Variants in SLC68A1 observed in about 807,000 individuals in gnomAD.
SLC68A1 encodes major facilitator superfamily domain containing 13A.
At chr10:102,462,961 T>A in the SLC68A1 span, among the ~76,000 whole-genome samples, 1 of 152,188 alleles carries the variant, frequency 6.6e-6, no homozygotes, top group Non-Finnish European at 1.5e-5. Context: ...ACTCCCACAG[T>A]TAAGCAGAAC....
At chr10:102,472,658 A>G in the SLC68A1 span, among the ~76,000 whole-genome samples, 1 of 152,156 alleles carries the variant, frequency 6.6e-6, no homozygotes, top group Non-Finnish European at 1.5e-5. Context: ...TAGCAAAGTT[A>G]GATAGCACCA....
the SLC68A1 span, chr10:102,475,734 T>G: frequency 6.2e-7 from 1 of 1,601,428 alleles, no homozygotes; most frequent in African/African-American, 1.3e-5. Context: ...CATGACCTCT[T>G]CCAGCAGTCC....
At chr10:102,470,095 C>A in the SLC68A1 span, 1 of 1,609,988 alleles carries the variant, frequency 6.2e-7, no homozygotes, top group Non-Finnish European at 8.5e-7. Context: ...TTGGGAACAG[C>A]TCGTAATTGG....
At chr10:102,473,989 C>T in the SLC68A1 span, 1 of 1,607,452 alleles carries the variant, frequency 6.2e-7, no homozygotes. Flanking sequence ...CTGCTGGGCA[C>T]CTGGCTGCTC....
the SLC68A1 span, chr10:102,471,440 TCAC>T: frequency 6.3e-7 from 1 of 1,595,770 alleles, no homozygotes; most frequent in South Asian, 1.1e-5. Context: ...GGGCTGGACT[TCAC>T]TCAAGGGGAC....
At chr10:102,466,414 C>T in the SLC68A1 span, among the ~76,000 whole-genome samples, 48 of 143,010 alleles carry the variant, frequency 3.4e-4, no homozygotes, top group Non-Finnish European at 3.9e-4. Context: ...ACCTGGGAAG[C>T]GGAGGTTGCA....
chr10:102,471,299 G>A, the SLC68A1 span: 1 of 1,613,964 alleles, frequency 6.2e-7, no homozygotes, highest in African/African-American at 1.3e-5. Context: ...CTGCTTGTAG[G>A]CAGTGAGGAG....
At chr10:102,467,920 A>C in the SLC68A1 span, among the ~76,000 whole-genome samples, 8 of 152,118 alleles carry the variant, frequency 5.3e-5, no homozygotes, top group Non-Finnish European at 1.0e-4. Context: ...GGCCTCCCAA[A>C]GTGCCTTATT....
the SLC68A1 span, chr10:102,476,058 T>C: frequency 6.9e-6 from 9 of 1,312,840 alleles, no homozygotes; most frequent in African/African-American, 1.5e-5. Flanking sequence ...TTTGGTTTTT[T>C]TTTTAAGGAT....
At chr10:102,463,922 T>C in the SLC68A1 span, among the ~76,000 whole-genome samples, 2 of 152,096 alleles carry the variant, frequency 1.3e-5, no homozygotes, top group South Asian at 4.1e-4. Flanking sequence ...GAAAGGAATT[T>C]GATGGATGGC....
the SLC68A1 span, chr10:102,473,500 T>G: frequency 2.4e-5 from 35 of 1,477,142 alleles, no homozygotes; most frequent in Non-Finnish European, 3.1e-5. Context: ...CAGTCGGCTG[T>G]GAAGCTGATG....
the SLC68A1 span, chr10:102,462,036 G>T: frequency 6.6e-6 from 1 of 152,422 alleles, no homozygotes; most frequent in Middle Eastern, 3.4e-3. Flanking sequence ...TGGTCCTGAG[G>T]TGAAGCTGTC....
chr10:102,471,245 C>A, the SLC68A1 span: 1 of 1,609,270 alleles, frequency 6.2e-7, no homozygotes, highest in Non-Finnish European at 8.5e-7. Flanking sequence ...CAGCCCCAGG[C>A]AGTTCTCCAC....
At chr10:102,468,883 T>G in the SLC68A1 span, 4 of 631,510 alleles carry the variant, frequency 6.3e-6, no homozygotes, top group Non-Finnish European at 5.5e-6. Flanking sequence ...AGTTTTTAAA[T>G]GATTCAGAGG....
the SLC68A1 span, chr10:102,469,226 G>T: frequency 6.2e-7 from 1 of 1,612,180 alleles, no homozygotes; most frequent in Non-Finnish European, 8.5e-7. Context: ...GGCTAACATG[G>T]AGGAGGGGGT....
the SLC68A1 span, chr10:102,473,970 T>C: frequency 6.2e-7 from 1 of 1,610,968 alleles, no homozygotes. Context: ...AGGCCAGACC[T>C]TTGCCCCGCT....
chr10:102,464,446 G>A, the SLC68A1 span, among the ~76,000 whole-genome samples: 2 of 149,436 alleles, frequency 1.3e-5, no homozygotes, highest in East Asian at 2.0e-4. Flanking sequence ...GTGAGACTCC[G>A]TCTCAAAAAA....
chr10:102,476,500 C>T, the SLC68A1 span: 9 of 985,632 alleles, frequency 9.1e-6, no homozygotes, highest in Admixed American at 6.1e-5. Context: ...CCACCGCACT[C>T]GGCCAGGAGC....
the SLC68A1 span, chr10:102,473,982 C>A: frequency 1.2e-4 from 196 of 1,608,936 alleles, 2 homozygotes; most frequent in East Asian, 4.1e-3. Context: ...TGCCCCGCTG[C>A]TGGGCACCTG....
Sources: gnomAD v4.1 joint callset for allele counts (sites outside exome capture counted in the v4.1 genomes callset) on GRCh38, gnomAD v4.1.1 for gene constraint, MANE v1.5 for transcripts, NCBI Gene and HGNC (gene_info 2026-07-23, HGNC 2026-07-21) for gene names.